OPCML: variants seen among roughly 807,000 people sequenced by gnomAD.
OPCML encodes the protein opioid-binding protein/cell adhesion molecule.
A neutral mutation model predicts 37.8 loss-of-function variants in OPCML; 13 were observed. That is an observed-to-expected ratio of 0.34 (90% confidence interval 0.22 to 0.55). The LOEUF is 0.55. Ranked by LOEUF, OPCML falls within the 20% of genes least tolerant of loss-of-function variation. The pLI is 0.91. For missense variants in OPCML, 341 were observed against 435.6 expected (o/e 0.78, Z 1.93); for synonymous variants, 176 against 168.8 (o/e 1.04, Z -0.33).
chr11:133,412,713 T>A (rs188125640), intron 1 of OPCML, among the ~76,000 whole-genome samples: 6 of 152,308 alleles, frequency 3.9e-5, no homozygotes, highest in Non-Finnish European at 7.4e-5. Context: ...TTGTCACTGC[T>A]TTAGCCCTGA....
intron 2 of OPCML, among the ~76,000 whole-genome samples, chr11:132,837,964 T>A (rs1268993783): frequency 1.3e-5 from 2 of 152,258 alleles, no homozygotes; most frequent in Non-Finnish European, 2.9e-5. Context: ...CACGTCATCC[T>A]AGTTTAATTT....
intron 1 of OPCML, among the ~76,000 whole-genome samples, chr11:133,313,324 A>G (rs1943111682): frequency 6.6e-6 from 1 of 152,234 alleles, no homozygotes; most frequent in Admixed American, 6.5e-5. Context: ...TTTAAACACT[A>G]ACTGTTCACA....
intron 4 of OPCML, among the ~76,000 whole-genome samples, chr11:132,448,992 G>A (rs1414102907): frequency 6.6e-6 from 1 of 152,184 alleles, no homozygotes; most frequent in African/African-American, 2.4e-5. Context: ...AATTCCTTAA[G>A]TTCTGGAAAT....
At chr11:133,140,587 A>AGAAG (rs1949764211) in intron 1 of OPCML, among the ~76,000 whole-genome samples, 1 of 131,786 alleles carries the variant, frequency 7.6e-6, no homozygotes, top group African/African-American at 2.7e-5. Flanking sequence ...AAAGAAGAAA[A>AGAAG]AAGAAAGAAG....
intron 4 of OPCML, among the ~76,000 whole-genome samples, chr11:132,484,588 A>T (rs1480878404): frequency 8.5e-5 from 13 of 152,186 alleles, no homozygotes; most frequent in Non-Finnish European, 1.6e-4. Context: ...AAAGGACTAT[A>T]AATCATGCTG....
At chr11:133,005,079 G>C in intron 1 of OPCML, 1 of 985,256 alleles carries the variant, frequency 1.0e-6, no homozygotes, top group Non-Finnish European at 1.2e-6. Context: ...CCCTTGCTTG[G>C]ACTCCTTCAT....
intron 1 of OPCML, chr11:133,423,228 C>T (rs1281548647): frequency 1.0e-6 from 1 of 985,214 alleles, no homozygotes; most frequent in Non-Finnish European, 1.2e-6. Context: ...TTTTAATTGC[C>T]TCATTCTAGA....
chr11:132,496,940 A>G (rs1217559229), intron 4 of OPCML, among the ~76,000 whole-genome samples: 4 of 152,298 alleles, frequency 2.6e-5, no homozygotes, highest in Admixed American at 2.0e-4. Flanking sequence ...GGTACCTTAT[A>G]TGCACTGCTT....
At chr11:132,557,211 T>C (rs1022355934) in intron 3 of OPCML, among the ~76,000 whole-genome samples, 4 of 152,208 alleles carry the variant, frequency 2.6e-5, no homozygotes, top group Non-Finnish European at 5.9e-5. Flanking sequence ...TGCCAGATTA[T>C]GTCCGTGGGA....
intron 1 of OPCML, among the ~76,000 whole-genome samples, chr11:133,264,823 T>C (rs1941606356): frequency 6.6e-6 from 1 of 152,068 alleles, no homozygotes; most frequent in Admixed American, 6.5e-5. Context: ...TAATTAATCA[T>C]AAATAGGGCA....
chr11:132,417,165 G>A lies in OPCML; in HGVS notation c.*3028C>T, dbSNP rs2095941667. On this transcript the variant is annotated 3_prime_UTR_variant, in exon 8 of 8. Transcript: ENST00000524381. ...GCACCCTGAACAAATCTAGCCTGTA[G>A]GCATTCTCCATGTACTCTCCGTGTG... is the stretch of plus-strand genomic sequence containing the variant. 1 of 152,320 alleles carries A rather than the reference G, an allele frequency of 6.6e-6. No individual in the cohort carries two copies. 9.4% of individuals were successfully genotyped at this position (152,320 alleles called of 1,614,324 possible). A position where few individuals can be genotyped will look rare whatever the true frequency, so the allele number is the denominator to read the frequency against.
In OPCML at chr11:133,446,998, A is replaced by C. The variant is rs185985009; in HGVS notation, c.61+85266T>G. On this transcript the variant is annotated intron_variant, in intron 1 of 7. Coordinates refer to ENST00000524381, the MANE Select transcript of OPCML (RefSeq NM_001012393.5). Reference sequence around the variant, plus strand: ...GAGTAATTTTGCTATGAACTTTTGCATACAAGTCTCTTTGCAGACATATCT... The same window carrying C: ...GAGTAATTTTGCTATGAACTTTTGCCTACAAGTCTCTTTGCAGACATATCT... Among the ~76,000 whole-genome samples, 95 of 152,346 alleles carry C rather than the reference A, an allele frequency of 6.2e-4. 2 individuals are homozygous for C. The East Asian group carries it at 9.3e-3, about 15-fold the overall frequency.
intron 1 of OPCML, among the ~76,000 whole-genome samples, chr11:133,496,499 A>G (rs1389918976): frequency 6.6e-6 from 1 of 152,094 alleles, no homozygotes; most frequent in Non-Finnish European, 1.5e-5. Flanking sequence ...CAGTATGGTC[A>G]TTTTCACAAT....
chr11:132,583,620 T>C (rs1209065878), intron 3 of OPCML, among the ~76,000 whole-genome samples: 1 of 151,904 alleles, frequency 6.6e-6, no homozygotes, highest in Non-Finnish European at 1.5e-5. Flanking sequence ...TTTTTATTTA[T>C]TTATTTACTT....
intron 4 of OPCML, among the ~76,000 whole-genome samples, chr11:132,463,273 A>G (rs1443518733): frequency 2.0e-5 from 3 of 152,082 alleles, no homozygotes; most frequent in Non-Finnish European, 4.4e-5. Flanking sequence ...CTGAAACACT[A>G]TTTTCTATCA....
chr11:133,056,777 T>C (rs752878688), intron 1 of OPCML, among the ~76,000 whole-genome samples: 5 of 152,240 alleles, frequency 3.3e-5, no homozygotes, highest in African/African-American at 4.8e-5. Flanking sequence ...TTCATGGACA[T>C]TGTTTTCTTT....
chr11:132,722,117 G>A (rs567572513), intron 2 of OPCML, among the ~76,000 whole-genome samples: 6 of 151,432 alleles, frequency 4.0e-5, no homozygotes, highest in African/African-American at 1.2e-4. Flanking sequence ...CATCATGCCT[G>A]GCTAATTTTT....
chr11:132,597,835 T>C (rs1198164805), intron 3 of OPCML, among the ~76,000 whole-genome samples: 2 of 152,232 alleles, frequency 1.3e-5, no homozygotes, highest in Non-Finnish European at 2.9e-5. Context: ...CCTTTATCTG[T>C]GTATGTATGC....
chr11:132,876,894 G>T (rs1351238203), intron 2 of OPCML, among the ~76,000 whole-genome samples: 2 of 152,144 alleles, frequency 1.3e-5, no homozygotes. Flanking sequence ...AGGCTCAGGA[G>T]GGGCATGAAA....
Sources: gnomAD v4.1 joint callset for allele counts (sites outside exome capture counted in the v4.1 genomes callset) on GRCh38, gnomAD v4.1.1 for gene constraint, MANE v1.5 for transcripts, NCBI Gene and HGNC (gene_info 2026-07-23, HGNC 2026-07-21) for gene names.